Variants in GRIK1 observed in about 807,000 individuals in gnomAD.
GRIK1 encodes the protein glutamate receptor ionotropic, kainate 1.
Under a neutral mutation model 105.7 loss-of-function variants are expected in GRIK1, and 69 were observed. That is an observed-to-expected ratio of 0.65 (90% CI 0.54 to 0.80). The LOEUF (loss-of-function observed/expected upper bound fraction) is 0.80, where lower values mean the gene tolerates loss of function less well. Among genes scored for constraint, GRIK1 ranks in the 30% least tolerant of loss-of-function variants. GRIK1 has a pLI of 0.00. For missense variants in GRIK1, 1,109 were observed against 1,167.3 expected, an observed-to-expected ratio of 0.95 and a Z score of 0.73; for synonymous variants, 438 against 431.3, an observed-to-expected ratio of 1.02 and a Z score of -0.19.
Position 29,673,844 on chromosome 21 carries a change from C to G in GRIK1, c.545-680G>C, listed in dbSNP as rs375267195. On this transcript the variant is annotated intron_variant, in intron 3 of 17. Transcript: ENST00000327783. The stretch of plus-strand genomic sequence containing the variant: ...AAAAAAAATTCCCTATTGGTTATTG[C>G]AACAAAACATATACGTCCAACTAAC... Among the ~76,000 whole-genome samples the G allele has an allele frequency of 1.3e-5, 2 of 152,190 alleles. 1 individual carries two copies. The highest frequency in any genetic ancestry group is 4.8e-5 in the African/African-American group (2 of 41,546).
At chr21:29,673,274 T>G in intron 3 of GRIK1, 110 bp from the exon 4 acceptor site, 1 of 628,380 alleles carries the variant, frequency 1.6e-6, no homozygotes. Flanking sequence ...AGTGGCCACC[T>G]TCCTAAAGGT....
intron 1 of GRIK1, among the ~76,000 whole-genome samples, chr21:29,868,127 G>A (rs957032521): frequency 6.6e-6 from 1 of 152,116 alleles, no homozygotes; most frequent in African/African-American, 2.4e-5. Context: ...ATGGGAAAAG[G>A]CATCTGAAAA....
At chr21:29,882,695 A>G (rs777236007) in intron 1 of GRIK1, among the ~76,000 whole-genome samples, 35 of 152,150 alleles carry the variant, frequency 2.3e-4, no homozygotes, top group Non-Finnish European at 4.1e-4. Flanking sequence ...ATTATCTCAC[A>G]TGCATATTCC....
intron 12 of GRIK1, 118 bp downstream of exon 12, chr21:29,587,248 A>T (rs1335097110): frequency 1.7e-6 from 1 of 598,046 alleles, no homozygotes; most frequent in Admixed American, 3.1e-5. Flanking sequence ...CCAAGAATAG[A>T]ACACTAGGCA....
At chr21:29,787,420 T>C (rs539324697) in intron 1 of GRIK1, among the ~76,000 whole-genome samples, 1 of 152,268 alleles carries the variant, frequency 6.6e-6, no homozygotes, top group South Asian at 2.1e-4. Context: ...CCACCCAAAA[T>C]GGTAAGATTC....
At chr21:29,673,412 T>C (rs2063197769) in intron 3 of GRIK1, among the ~76,000 whole-genome samples, 1 of 152,156 alleles carries the variant, frequency 6.6e-6, no homozygotes, top group East Asian at 1.9e-4. Flanking sequence ...AGAATGCAAT[T>C]GTCCTTTCCA....
At chr21:29,922,055 A>G (rs1055051967) in intron 1 of GRIK1, among the ~76,000 whole-genome samples, 9 of 152,176 alleles carry the variant, frequency 5.9e-5, no homozygotes, top group Non-Finnish European at 1.3e-4. Context: ...AGATTATGCA[A>G]GCTACTAAGT....
chr21:29,912,778 T>G (rs1435856196), intron 1 of GRIK1, among the ~76,000 whole-genome samples: 2 of 151,990 alleles, frequency 1.3e-5, no homozygotes, highest in African/African-American at 4.8e-5. Context: ...AAAGGAGAGA[T>G]GATGATGATG....
intron 1 of GRIK1, among the ~76,000 whole-genome samples, chr21:29,916,930 T>C (rs942643007): frequency 4.6e-5 from 7 of 152,032 alleles, no homozygotes; most frequent in African/African-American, 1.4e-4. Flanking sequence ...TGTAACATTA[T>C]AGATACATAC....
At chr21:29,620,785 A>AC (rs1568897283) in intron 7 of GRIK1, among the ~76,000 whole-genome samples, 25 of 112,774 alleles carry the variant, frequency 2.2e-4, no homozygotes, top group African/African-American at 1.1e-3. Flanking sequence ...ATATATAGAT[A>AC]TATATATCTA....
intron 6 of GRIK1, among the ~76,000 whole-genome samples, chr21:29,648,899 G>A (rs140498148): frequency 0.014 from 2,164 of 152,266 alleles, 33 homozygotes; most frequent in Middle Eastern, 0.037. Flanking sequence ...GGCAGGGTCT[G>A]CGATGTGGAC....
At chr21:29,758,674 G>C (rs1295668917) in intron 1 of GRIK1, among the ~76,000 whole-genome samples, 4 of 152,168 alleles carry the variant, frequency 2.6e-5, no homozygotes, top group African/African-American at 9.7e-5. Context: ...AACATCATTA[G>C]ACTAATTTAC....
At chr21:29,850,361 A>G (rs541787509) in intron 1 of GRIK1, among the ~76,000 whole-genome samples, 8 of 152,134 alleles carry the variant, frequency 5.3e-5, no homozygotes, top group Non-Finnish European at 8.8e-5. Flanking sequence ...AAAAATCTCT[A>G]TCTTTTCGAT....
intron 1 of GRIK1, among the ~76,000 whole-genome samples, chr21:29,702,756 G>A (rs751248335): frequency 6.6e-6 from 1 of 152,134 alleles, no homozygotes; most frequent in Non-Finnish European, 1.5e-5. Flanking sequence ...AGACTGGAGT[G>A]ATGCAGCCAG....
At chr21:29,664,835 G>A (rs1183518860) in intron 4 of GRIK1, among the ~76,000 whole-genome samples, 1 of 152,132 alleles carries the variant, frequency 6.6e-6, no homozygotes, top group Non-Finnish European at 1.5e-5. Context: ...GGCTTCTTTA[G>A]AAAATCTGAC....
intron 16 of GRIK1, among the ~76,000 whole-genome samples, chr21:29,550,546 A>T (rs1478771798): frequency 6.6e-6 from 1 of 152,216 alleles, no homozygotes; most frequent in African/African-American, 2.4e-5. Context: ...ATTAAATTAG[A>T]ATTTCTAGAG....
chr21:29,781,277 C>T (rs887049022), intron 1 of GRIK1, among the ~76,000 whole-genome samples: 6 of 152,078 alleles, frequency 3.9e-5, no homozygotes, highest in Admixed American at 2.6e-4. Context: ...TTTCTCCTTT[C>T]CTAAAACCTC....
chr21:29,693,874 T>C (rs764516498), intron 2 of GRIK1, 22 bp downstream of exon 2: 1 of 1,590,496 alleles, frequency 6.3e-7, no homozygotes, highest in Non-Finnish European at 8.6e-7. Flanking sequence ...AAAGAAGCTT[T>C]TAAAAGTGGG....
chr21:29,931,678 A>AT (rs534322212), intron 1 of GRIK1, among the ~76,000 whole-genome samples: 82 of 151,974 alleles, frequency 5.4e-4, no homozygotes, highest in South Asian at 4.2e-3. Context: ...AATAATATAT[A>AT]TTTTTTCTGA....
Sources: gnomAD v4.1 joint callset for allele counts (sites outside exome capture counted in the v4.1 genomes callset) on GRCh38, gnomAD v4.1.1 for gene constraint, MANE v1.5 for transcripts, NCBI Gene and HGNC (gene_info 2026-07-23, HGNC 2026-07-21) for gene names.